Variants in CD84 observed in about 807,000 individuals in gnomAD.
CD84 encodes the protein CD84 molecule, also known as SLAM family member 5.
CD84 carries 22 observed loss-of-function variants against 33.8 expected under a neutral mutation model. The ratio of observed to expected loss-of-function variants is 0.65; its 90% confidence interval spans 0.46 to 0.93. The LOEUF (loss-of-function observed/expected upper bound fraction) is 0.93, where lower values mean the gene tolerates loss of function less well. Ranked by LOEUF, CD84 falls within the 40% of genes least tolerant of loss-of-function variation. The pLI, the probability that CD84 is intolerant of heterozygous loss-of-function variation, is 0.00. For synonymous variants in CD84, 154 were observed against 145.2 expected (o/e 1.06, Z -0.44); for missense variants, 400 against 397.6 (o/e 1.01, Z -0.05).
At chr1:160,571,672 G>A (rs77113077) in intron 1 of CD84, among the ~76,000 whole-genome samples, 1 of 152,084 alleles carries the variant, frequency 6.6e-6, no homozygotes, top group South Asian at 2.1e-4. Flanking sequence ...TGGGGGCTGG[G>A]GGGGAGGAGC....
rs977853614 is a variant in CD84 at position 160,543,592 on chromosome 1, T to C, written c.*4664A>G. On this transcript the variant is annotated 3_prime_UTR_variant, in exon 7 of 7. Coordinates refer to ENST00000368054, the MANE Select transcript of CD84 (RefSeq NM_003874.4). ...CAGGCTCCCTATCTTCAAGGAGCTCTCCATTATTATTTATTATTATTATTA... is the reference window on the plus strand; with the variant it reads ...CAGGCTCCCTATCTTCAAGGAGCTCCCCATTATTATTTATTATTATTATTA... 9 of 115,804 alleles carry C rather than the reference T, an allele frequency of 7.8e-5. No individual in the cohort carries two copies. Among genetic ancestry groups the C allele is most frequent in the African/African-American group, 2.4e-4 (9 of 37,138 alleles). 7.2% of individuals were successfully genotyped at this position (115,804 alleles called of 1,614,324 possible). A position where few individuals can be genotyped will look rare whatever the true frequency, so the allele number is the denominator to read the frequency against.
intron 6 of CD84, 115 bp downstream of exon 6, chr1:160,549,802 T>C (rs1484396493): frequency 7.3e-6 from 6 of 824,228 alleles, no homozygotes; most frequent in Non-Finnish European, 1.1e-5. Context: ...CAGTGGGTCC[T>C]GAGAACTACA....
Position 160,560,451 on chromosome 1 carries a change from C to T in CD84, c.388+4953G>A, listed in dbSNP as rs180807117. Among the ~76,000 whole-genome samples, 37 of 152,152 alleles carry T rather than the reference C, an allele frequency of 2.4e-4. No individual in the cohort carries two copies. The East Asian group carries it at 4.8e-3, about 20-fold the overall frequency. ...TCAAGTTCTTTGAAACTAATGAGAACAAAGAGACAATGTACCAGAATCTCT... is the reference window on the plus strand; with the variant it reads ...TCAAGTTCTTTGAAACTAATGAGAATAAAGAGACAATGTACCAGAATCTCT... On this transcript the variant is annotated intron_variant, in intron 2 of 6. Coordinates refer to ENST00000368054, the MANE Select transcript of CD84 (RefSeq NM_003874.4).
intron 3 of CD84, 50 bp downstream of exon 3, chr1:160,553,845 C>T (rs1483922885): frequency 2.5e-6 from 4 of 1,613,652 alleles, no homozygotes; most frequent in South Asian, 1.1e-5. Flanking sequence ...CTTGCAGCTC[C>T]TCAGAGTGAT....
chr1:160,577,670 G>A (rs1482917496), intron 1 of CD84, among the ~76,000 whole-genome samples: 1 of 152,136 alleles, frequency 6.6e-6, no homozygotes, highest in Non-Finnish European at 1.5e-5. Flanking sequence ...TCCTAATAAT[G>A]AATGAAAAGC....
intron 1 of CD84, among the ~76,000 whole-genome samples, chr1:160,569,173 C>G (rs778797725): frequency 1.8e-4 from 28 of 152,292 alleles, no homozygotes; most frequent in Admixed American, 4.6e-4. Context: ...CGGGGCCATA[C>G]TGGAGCATAT....
chr1:160,562,466 T>A (rs920209524), intron 2 of CD84, among the ~76,000 whole-genome samples: 1 of 151,274 alleles, frequency 6.6e-6, no homozygotes, highest in Non-Finnish European at 1.5e-5. Context: ...ACAAAAACAA[T>A]GGGAAAAGGA....
rs756226638 is a variant in CD84, at chr1:160,548,364, C to G, written c.922-43G>C. On this transcript the variant is annotated intron_variant, in intron 6 of 6. Coordinates refer to ENST00000368054, the MANE Select transcript of CD84 (RefSeq NM_003874.4). ...GTGAGAAAATGTTAACTGAGAGGTGCTGCTGGGGAACTCCAGTCCTGCAAG... is the reference window on the plus strand; with the variant it reads ...GTGAGAAAATGTTAACTGAGAGGTGGTGCTGGGGAACTCCAGTCCTGCAAG... 5 of 1,606,670 alleles carry G rather than the reference C, an allele frequency of 3.1e-6. No homozygotes were observed. The South Asian group carries it at 4.4e-5, about 14-fold the overall frequency.
rs182913835 is a variant in CD84, at chr1:160,577,619, G to A, written c.46+1773C>T. Among the ~76,000 whole-genome samples, 259 of 152,224 alleles carry A rather than the reference G, an allele frequency of 1.7e-3. 3 individuals carry two copies. Among genetic ancestry groups the A allele is most frequent in the African/African-American group, 6.1e-3 (252 of 41,530 alleles). On this transcript the variant is annotated intron_variant, in intron 1 of 6. Coordinates refer to ENST00000368054, the MANE Select transcript of CD84 (RefSeq NM_003874.4). ...TTCCTTGGACAATTCCCTGACAGAG[G>A]AGTCCTGCCCAGGATCTCTGTGTGG...
At chr1:160,557,884 G>C (rs915488906) in intron 2 of CD84, among the ~76,000 whole-genome samples, 2 of 152,164 alleles carry the variant, frequency 1.3e-5, no homozygotes. Flanking sequence ...CAGCTGCTTT[G>C]CCAGATCAGA....
intron 2 of CD84, among the ~76,000 whole-genome samples, chr1:160,555,323 TCCA>T (rs1359453492): frequency 1.3e-5 from 2 of 152,100 alleles, no homozygotes; most frequent in African/African-American, 4.8e-5. Context: ...GACCTCGTGA[TCCA>T]CCCGCCTCGG....
intron 1 of CD84, among the ~76,000 whole-genome samples, chr1:160,572,656 A>G (rs1657763804): frequency 6.6e-6 from 1 of 152,108 alleles, no homozygotes; most frequent in Admixed American, 6.6e-5. Context: ...TTTGCTAACT[A>G]CCCTTGAGAG....
intron 2 of CD84, among the ~76,000 whole-genome samples, chr1:160,559,646 G>A (rs1656826151): frequency 6.6e-6 from 1 of 152,280 alleles, no homozygotes; most frequent in South Asian, 2.1e-4. Flanking sequence ...AACCTTAAGT[G>A]TAAATGCGCT....
intron 2 of CD84, among the ~76,000 whole-genome samples, 175 bp from the exon 3 acceptor site, chr1:160,554,321 C>T (rs1450050843): frequency 6.6e-6 from 1 of 152,188 alleles, no homozygotes; most frequent in African/African-American, 2.4e-5. Flanking sequence ...AAACTCATCA[C>T]TTTCTAATCC....
intron 2 of CD84, among the ~76,000 whole-genome samples, chr1:160,556,546 A>G (rs754190142): frequency 6.6e-6 from 1 of 152,280 alleles, no homozygotes; most frequent in Non-Finnish European, 1.5e-5. Context: ...GAAGCTGGCT[A>G]CAGCCACTGC....
chr1:160,568,155 G>A (rs72708833), intron 1 of CD84, among the ~76,000 whole-genome samples: 4,927 of 152,176 alleles, frequency 0.032, 118 homozygotes, highest in Non-Finnish European at 0.05. Flanking sequence ...CCACAGACTC[G>A]TAATTTTGCT....
Position 160,548,175 on chromosome 1 carries a change from C to T in CD84, c.*81G>A. The T allele has an allele frequency of 3.5e-6, 5 of 1,435,406 alleles. No homozygotes were observed. Among genetic ancestry groups the T allele is most frequent in the Non-Finnish European group, 4.9e-6 (5 of 1,021,200 alleles). 88.9% of individuals were successfully genotyped at this position (1,435,406 alleles called of 1,614,324 possible). On this transcript the variant is annotated 3_prime_UTR_variant, in exon 7 of 7. Coordinates refer to ENST00000368054, the MANE Select transcript of CD84 (RefSeq NM_003874.4). ...TTGCAATCTCCCAGTAAGAGTTGGG[C>T]AGAGAAGATCTGGATCCAGGGAACC...
chr1:160,568,192 T>C (rs772097139), intron 1 of CD84, among the ~76,000 whole-genome samples: 1 of 151,910 alleles, frequency 6.6e-6, no homozygotes, highest in Non-Finnish European at 1.5e-5. Flanking sequence ...CCCCAGGAAG[T>C]ATGTAGGTAG....
At position 160,543,370 on chromosome 1, in the gene CD84, C is replaced by T. The variant is rs1655643826; in HGVS notation, c.*4886G>A. The T allele has an allele frequency of 6.6e-6, 1 of 152,098 alleles. No individual in the cohort carries two copies. The highest frequency in any genetic ancestry group is 2.1e-4 in the South Asian group (1 of 4,832). 9.4% of individuals were successfully genotyped at this position (152,098 alleles called of 1,614,324 possible). On this transcript the variant is annotated 3_prime_UTR_variant, in exon 7 of 7. Transcript: ENST00000368054. ...CACATGGCAGAGTACAAGTGCATGG[C>T]CCTTGGTGACAAGAAGTCTTGAATT...
Sources: gnomAD v4.1 joint callset for allele counts (sites outside exome capture counted in the v4.1 genomes callset) on GRCh38, gnomAD v4.1.1 for gene constraint, MANE v1.5 for transcripts, NCBI Gene and HGNC (gene_info 2026-07-23, HGNC 2026-07-21) for gene names.